The following GNAO1 variants were observed in gnomAD, a reference collection of about 807,000 sequenced individuals.
GNAO1 encodes the protein G protein subunit alpha o1.
For missense variants in GNAO1, 166 were observed against 478.7 expected, an observed-to-expected ratio of 0.35 and a Z score of 6.10; for synonymous variants, 164 against 180.7, an observed-to-expected ratio of 0.91 and a Z score of 0.74.
chr16:56,214,389 G>A (rs79265729), intron 2 of GNAO1, among the ~76,000 whole-genome samples: 2,636 of 152,274 alleles, frequency 0.017, 47 homozygotes, highest in South Asian at 0.052. Context: ...GGGTCTAGGG[G>A]CAGACACCTG....
chr16:56,287,680 G>A (rs1196324294), intron 3 of GNAO1, among the ~76,000 whole-genome samples: 5 of 152,282 alleles, frequency 3.3e-5, no homozygotes, highest in African/African-American at 1.2e-4. Flanking sequence ...GCTATTACAG[G>A]TCAAAGAGGT....
chr16:56,251,566 C>A (rs912637845), intron 2 of GNAO1, among the ~76,000 whole-genome samples: 1 of 152,116 alleles, frequency 6.6e-6, no homozygotes, highest in African/African-American at 2.4e-5. Context: ...AATATAGAAC[C>A]CCAGGTGGTC....
intron 3 of GNAO1, among the ~76,000 whole-genome samples, chr16:56,314,111 A>G (rs1490880450): frequency 6.6e-6 from 1 of 152,228 alleles, no homozygotes; most frequent in Non-Finnish European, 1.5e-5. Context: ...ATTTCAGCAT[A>G]TTATATCAAA....
At chr16:56,224,051 G>A (rs917521905) in intron 2 of GNAO1, among the ~76,000 whole-genome samples, 7 of 152,202 alleles carry the variant, frequency 4.6e-5, no homozygotes, top group Admixed American at 3.9e-4. Context: ...GCTCAGTGGG[G>A]AAGCGGGGCC....
chr16:56,346,180 G>A (rs1198809059), intron 6 of GNAO1: 2 of 985,362 alleles, frequency 2.0e-6, no homozygotes, highest in African/African-American at 3.5e-5. Flanking sequence ...GGGGTATCCG[G>A]GGAGAAATTC....
intron 6 of GNAO1, chr16:56,346,145 G>T (rs1403031390): frequency 4.1e-6 from 4 of 985,156 alleles, no homozygotes; most frequent in Non-Finnish European, 4.8e-6. Flanking sequence ...TCCCACCCTA[G>T]CCTGGGGGTG....
At chr16:56,235,691 C>G (rs1183037576) in intron 2 of GNAO1, among the ~76,000 whole-genome samples, 5 of 152,192 alleles carry the variant, frequency 3.3e-5, no homozygotes, top group Middle Eastern at 3.2e-3. Flanking sequence ...GCTGTGCAGC[C>G]AACAGCCTCT....
intron 3 of GNAO1, among the ~76,000 whole-genome samples, chr16:56,279,652 A>G (rs1324362456): frequency 6.6e-6 from 1 of 152,208 alleles, no homozygotes; most frequent in African/African-American, 2.4e-5. Context: ...GGCTTTCTCC[A>G]TGAAGCTCTT....
intron 3 of GNAO1, among the ~76,000 whole-genome samples, chr16:56,294,269 T>C (rs1056477): frequency 6.6e-6 from 1 of 151,902 alleles, no homozygotes; most frequent in African/African-American, 2.4e-5. Context: ...AGCATAACTC[T>C]TTGTGCAGGA....
intron 3 of GNAO1, among the ~76,000 whole-genome samples, chr16:56,290,933 A>C (rs1225390490): frequency 2.0e-5 from 3 of 152,222 alleles, no homozygotes; most frequent in African/African-American, 7.2e-5. Flanking sequence ...TTCACTTGGC[A>C]TAATGTTTTC....
rs112352892 is a variant in GNAO1 at position 56,204,793 on chromosome 16, G to A, written c.161+12177G>A. On this transcript the variant is annotated intron_variant, in intron 2 of 8. Transcript: ENST00000262493. ...TCTGGACTGGGAGTCAAGAACCCAA[G>A]TTCTCATCCCAGCTCTGTTCCTGTT... Among the ~76,000 whole-genome samples the A allele has an allele frequency of 7.1e-3, 1,077 of 152,278 alleles. 6 individuals are homozygous for A. The highest frequency in any genetic ancestry group is 9.5e-3 in the Non-Finnish European group (647 of 68,034).
chr16:56,233,619 C>T (rs1407558457), intron 2 of GNAO1, among the ~76,000 whole-genome samples: 1 of 152,208 alleles, frequency 6.6e-6, no homozygotes, highest in Non-Finnish European at 1.5e-5. Flanking sequence ...TTTCAGGCCT[C>T]AAGAATCCAA....
intron 5 of GNAO1, 39 bp from the exon 6 acceptor site, chr16:56,336,692 G>C: frequency 6.3e-7 from 1 of 1,576,802 alleles, no homozygotes; most frequent in Non-Finnish European, 8.6e-7. Context: ...GCCCTCACCT[G>C]CCTGGACCCT....
At chr16:56,350,433 C>T (rs2143698025) in intron 6 of GNAO1, among the ~76,000 whole-genome samples, 1 of 152,316 alleles carries the variant, frequency 6.6e-6, no homozygotes, top group Non-Finnish European at 1.5e-5. Context: ...GCCCTCTGTG[C>T]TGCTGAGAGA....
chr16:56,340,858 CT>C, intron 6 of GNAO1: 1 of 1,614,098 alleles, frequency 6.2e-7, no homozygotes, highest in Non-Finnish European at 8.5e-7. Context: ...ATCCCTGAAG[CT>C]TTTTGACAGC....
chr16:56,281,059 G>C (rs1371427606), intron 3 of GNAO1, among the ~76,000 whole-genome samples: 1 of 152,036 alleles, frequency 6.6e-6, no homozygotes, highest in Non-Finnish European at 1.5e-5. Flanking sequence ...GGGTGCTATT[G>C]TTGTCCTCAT....
intron 3 of GNAO1, among the ~76,000 whole-genome samples, chr16:56,289,681 G>C: frequency 6.6e-6 from 1 of 152,164 alleles, no homozygotes; most frequent in Admixed American, 6.5e-5. Context: ...TACGGCGCAG[G>C]CTTGAGGAGG....
intron 2 of GNAO1, among the ~76,000 whole-genome samples, chr16:56,233,746 T>G (rs1377345561): frequency 6.6e-6 from 1 of 152,220 alleles, no homozygotes; most frequent in Non-Finnish European, 1.5e-5. Context: ...GAGCTGCTTT[T>G]GAAGGGGGAG....
intron 2 of GNAO1, among the ~76,000 whole-genome samples, chr16:56,244,975 C>G (rs1035784012): frequency 1.3e-5 from 2 of 152,144 alleles, no homozygotes; most frequent in South Asian, 4.1e-4. Flanking sequence ...GATGGCCCCT[C>G]GGGTCTATCC....
Sources: gnomAD v4.1 joint callset for allele counts (sites outside exome capture counted in the v4.1 genomes callset) on GRCh38, gnomAD v4.1.1 for gene constraint, MANE v1.5 for transcripts, NCBI Gene and HGNC (gene_info 2026-07-23, HGNC 2026-07-21) for gene names.